Variants in ARNT2 observed in about 807,000 individuals in gnomAD.
ARNT2 encodes ARNT protein 2.
ARNT2 carries 36 observed loss-of-function variants against 91.7 expected under a neutral mutation model. The observed-to-expected ratio is 0.39, with a 90% CI of 0.30 to 0.52. The LOEUF is 0.52. Among genes scored for constraint, ARNT2 ranks in the 20% least tolerant of loss-of-function variants. The probability of loss-of-function intolerance (pLI) is 0.72; values close to 1 mark genes in which losing one functional copy is unlikely to be tolerated. For synonymous variants in ARNT2, 365 were observed against 347.1 expected, an observed-to-expected ratio of 1.05 and a Z score of -0.57; for missense variants, 775 against 939.3, an observed-to-expected ratio of 0.83 and a Z score of 2.29.
At chr15:80,517,129 C>A (rs897472398) in intron 8 of ARNT2, among the ~76,000 whole-genome samples, 5 of 151,880 alleles carry the variant, frequency 3.3e-5, no homozygotes, top group African/African-American at 7.3e-5. Context: ...TCTTACAGGG[C>A]AGCATTACTG....
chr15:80,560,267 T>C (rs1317873890), intron 11 of ARNT2: 2 of 152,448 alleles, frequency 1.3e-5, no homozygotes, highest in South Asian at 2.1e-4. Flanking sequence ...AGAATGTGCA[T>C]TGGCAGTAGG....
At chr15:80,584,078 T>C (rs761606556) in intron 17 of ARNT2, among the ~76,000 whole-genome samples, 1 of 152,050 alleles carries the variant, frequency 6.6e-6, no homozygotes, top group Non-Finnish European at 1.5e-5. Context: ...CAGGCTGTGG[T>C]GGAGTGAACA....
At chr15:80,554,917 T>C in intron 10 of ARNT2, 148 bp from the exon 11 acceptor site, 1 of 707,740 alleles carries the variant, frequency 1.4e-6, no homozygotes, top group Non-Finnish European at 2.3e-6. Flanking sequence ...CAGGGAAATT[T>C]TGCACTCACT....
In ARNT2 at chr15:80,591,040, G is replaced by A. The variant is rs1893270909; in HGVS notation, c.1919-528G>A. Among the ~76,000 whole-genome samples the A allele has an allele frequency of 6.6e-6, 1 of 152,232 alleles. No individual in the cohort carries two copies. Among genetic ancestry groups the A allele is most frequent in the South Asian group, 2.1e-4 (1 of 4,836 alleles). ...TTCCGAGGAGTTGCTCGGGGGCAGA[G>A]GCTGAGGTTGGGAATGCCAAGATGA... On this transcript the variant is annotated intron_variant, in intron 17 of 18. Coordinates refer to ENST00000303329, the MANE Select transcript of ARNT2 (RefSeq NM_014862.4). The surrounding 1 kb of genome is among the most constrained non-coding windows in gnomAD (Gnocchi z 5.1).
At chr15:80,473,326 G>C (rs1179346996) in intron 4 of ARNT2, among the ~76,000 whole-genome samples, 2 of 152,070 alleles carry the variant, frequency 1.3e-5, no homozygotes, top group African/African-American at 4.8e-5. Flanking sequence ...TCAGGGAGGA[G>C]GGTGGAAAAA....
chr15:80,493,681 G>C (rs893787439), intron 5 of ARNT2, among the ~76,000 whole-genome samples: 1 of 152,110 alleles, frequency 6.6e-6, no homozygotes, highest in Admixed American at 6.5e-5. Flanking sequence ...TTCTAGTAGG[G>C]AACTCTTTCA....
At chr15:80,542,983 G>A (rs2141450572) in intron 8 of ARNT2, among the ~76,000 whole-genome samples, 1 of 151,174 alleles carries the variant, frequency 6.6e-6, no homozygotes, top group South Asian at 2.1e-4. Flanking sequence ...TGTGGTCCCA[G>A]CTACTCAGGA....
At chr15:80,468,122 A>G (rs1413456653) in intron 3 of ARNT2, among the ~76,000 whole-genome samples, 1 of 151,970 alleles carries the variant, frequency 6.6e-6, no homozygotes, top group East Asian at 1.9e-4. Flanking sequence ...GCCCTTCCCT[A>G]CCAGAGTGGC....
In ARNT2 at chr15:80,591,585, A is replaced by G. The variant is rs1351973799; in HGVS notation, c.1936A>G (p.Ser646Gly). 6.2e-7 allele frequency: 1 copy of G among 1,614,202 alleles called. No individual in the cohort carries two copies. The highest frequency in any genetic ancestry group is 8.5e-7 in the Non-Finnish European group (1 of 1,180,028). Reference sequence around the variant, plus strand: ...TCTTTCAGCTGAAAGTGGACAAAGTAGCGGGCAGTTCCAAGGGCGGCCCTC... The same window carrying G: ...TCTTTCAGCTGAAAGTGGACAAAGTGGCGGGCAGTTCCAAGGGCGGCCCTC... Reference protein sequence around the residue: ...TPGFAESGQSSGQFQGRPSEV... With the variant: ...TPGFAESGQSGGQFQGRPSEV... Residue 646 changes from serine (S) to glycine (G), a missense_variant, in exon 18 of 19, where the codon AGC (serine) becomes GGC (glycine). By Grantham distance (56) the Ser-to-Gly change is moderately conservative (BLOSUM62 0). Transcript: ENST00000303329. This position sits in a 1 kb window ranked among gnomAD's most constrained non-coding sequence, Gnocchi z 5.1.
chr15:80,571,001 G>T (rs889436247), intron 12 of ARNT2, among the ~76,000 whole-genome samples: 1 of 152,206 alleles, frequency 6.6e-6, no homozygotes, highest in African/African-American at 2.4e-5. Context: ...CAGACGGCAT[G>T]GCCAGAGGAG....
intron 8 of ARNT2, among the ~76,000 whole-genome samples, chr15:80,517,427 G>A (rs1380352762): frequency 6.6e-6 from 1 of 152,060 alleles, no homozygotes; most frequent in Non-Finnish European, 1.5e-5. Context: ...CCTAAATATA[G>A]AGGGGTTTGT....
chr15:80,404,598 G>A lies in ARNT2; in HGVS notation c.31+52G>A, dbSNP rs1192249841. On this transcript the variant is annotated intron_variant, in intron 1 of 18. Transcript: ENST00000303329. The surrounding 1 kb of genome is among the most constrained non-coding windows in gnomAD (Gnocchi z 5.5). Reference sequence around the variant, plus strand: ...CCGCCGCAGCCCGCAGGCCTTGCCCGGGGCCGGAGCGGACCAGGCGCGCCG... The same window carrying A: ...CCGCCGCAGCCCGCAGGCCTTGCCCAGGGCCGGAGCGGACCAGGCGCGCCG... 22 of 1,032,326 alleles carry A rather than the reference G, an allele frequency of 2.1e-5. No individual in the cohort carries two copies. Among genetic ancestry groups the A allele is most frequent in the Non-Finnish European group, 2.3e-5 (20 of 861,168 alleles). 63.9% of individuals were successfully genotyped at this position (1,032,326 alleles called of 1,614,324 possible). A position where few individuals can be genotyped will look rare whatever the true frequency, so the allele number is the denominator to read the frequency against.
At chr15:80,529,791 A>G (rs1359235336) in intron 8 of ARNT2, among the ~76,000 whole-genome samples, 2 of 152,140 alleles carry the variant, frequency 1.3e-5, no homozygotes, top group Admixed American at 6.5e-5. Flanking sequence ...TTTGCTCATC[A>G]TATTAATTTC....
chr15:80,540,281 T>C (rs1897885748), intron 8 of ARNT2, among the ~76,000 whole-genome samples: 1 of 152,210 alleles, frequency 6.6e-6, no homozygotes, highest in Non-Finnish European at 1.5e-5. Context: ...CAGCAGTGTG[T>C]GAGTGTTCCA....
At chr15:80,518,429 C>T (rs1386690589) in intron 8 of ARNT2, among the ~76,000 whole-genome samples, 1 of 151,806 alleles carries the variant, frequency 6.6e-6, no homozygotes, top group Non-Finnish European at 1.5e-5. Context: ...TACAGGTGTG[C>T]ACCACCACAG....
chr15:80,486,422 G>C (rs1410747650), intron 5 of ARNT2, among the ~76,000 whole-genome samples: 2 of 152,158 alleles, frequency 1.3e-5, no homozygotes, highest in Non-Finnish European at 2.9e-5. Context: ...AAACCAACAA[G>C]GGGAGTTGAT....
intron 3 of ARNT2, among the ~76,000 whole-genome samples, chr15:80,466,942 T>C (rs183322394): frequency 6.6e-6 from 1 of 152,352 alleles, no homozygotes. Context: ...TTTAGATCTC[T>C]GTTTAAGATT....
chr15:80,432,741 C>G (rs1370561210), intron 1 of ARNT2, among the ~76,000 whole-genome samples: 1 of 152,042 alleles, frequency 6.6e-6, no homozygotes, highest in Non-Finnish European at 1.5e-5. Context: ...TTGTCCTCCT[C>G]TATAACCAGA....
intron 1 of ARNT2, among the ~76,000 whole-genome samples, chr15:80,448,377 G>T (rs547316558): frequency 6.6e-6 from 1 of 152,322 alleles, no homozygotes; most frequent in South Asian, 2.1e-4. Context: ...GAAAAAGAAA[G>T]ATCACTTGTG....
Sources: allele counts gnomAD v4.1 joint callset (sites outside exome capture counted in the v4.1 genomes callset), GRCh38; gene constraint gnomAD v4.1.1; non-coding constraint Gnocchi (gnomAD v3.1); transcripts MANE v1.5; gene names NCBI Gene and HGNC (gene_info 2026-07-23, HGNC 2026-07-21).